Variants in ZBTB20 observed in about 807,000 individuals in gnomAD.
ZBTB20 encodes zinc finger and BTB domain-containing protein 20.
In ZBTB20, 9 loss-of-function variants were observed where a neutral mutation model predicts 56.9. The ratio of observed to expected loss-of-function variants is 0.16; its 90% CI spans 0.10 to 0.28. The LOEUF (loss-of-function observed/expected upper bound fraction) is 0.28. Ranked by LOEUF, ZBTB20 falls within the 10% of genes least tolerant of loss-of-function variation. The pLI, the probability that ZBTB20 is intolerant of heterozygous loss-of-function variation, is 1.00. For synonymous variants in ZBTB20, 417 were observed against 420.7 expected, an observed-to-expected ratio of 0.99 and a Z score of 0.11; for missense variants, 655 against 1,003.0, an observed-to-expected ratio of 0.65 and a Z score of 4.69.
chr3:114,968,941 A>G (rs2077760036), intron 3 of ZBTB20, among the ~76,000 whole-genome samples: 1 of 152,178 alleles, frequency 6.6e-6, no homozygotes, highest in South Asian at 2.1e-4. Flanking sequence ...GCCTCTCCAC[A>G]ATTTTTAATC....
intron 6 of ZBTB20, among the ~76,000 whole-genome samples, chr3:114,683,797 G>A (rs2062140582): frequency 6.6e-6 from 1 of 152,104 alleles, no homozygotes; most frequent in Admixed American, 6.6e-5. Flanking sequence ...TGAGGTGGGA[G>A]TCTGGGTTAG....
At chr3:115,043,683 T>C (rs1053955765) in intron 2 of ZBTB20, among the ~76,000 whole-genome samples, 2 of 151,896 alleles carry the variant, frequency 1.3e-5, no homozygotes, top group Non-Finnish European at 2.9e-5. Context: ...TCATCTAACA[T>C]ATAGGAGTAG....
At chr3:114,514,073 T>C (rs2045707617) in intron 6 of ZBTB20, among the ~76,000 whole-genome samples, 1 of 152,178 alleles carries the variant, frequency 6.6e-6, no homozygotes, top group Non-Finnish European at 1.5e-5. Flanking sequence ...ATTTAAAAAA[T>C]TCATGGTATG....
intron 1 of ZBTB20, among the ~76,000 whole-genome samples, chr3:115,146,126 C>T (rs1469652315): frequency 6.6e-6 from 1 of 152,192 alleles, no homozygotes; most frequent in East Asian, 1.9e-4. Context: ...AAACTACTTC[C>T]TGATTCATTC....
At chr3:114,550,160 A>G (rs540277956) in intron 6 of ZBTB20, among the ~76,000 whole-genome samples, 2 of 152,038 alleles carry the variant, frequency 1.3e-5, no homozygotes, top group Admixed American at 6.6e-5. Flanking sequence ...GGATGGTCTC[A>G]ATCTCCTGAT....
intron 6 of ZBTB20, among the ~76,000 whole-genome samples, chr3:114,650,581 C>T (rs2060078100): frequency 6.6e-6 from 1 of 151,898 alleles, no homozygotes; most frequent in Non-Finnish European, 1.5e-5. Context: ...CTTCTTCCTA[C>T]TATTATTATT....
At chr3:114,690,630 AC>A in intron 6 of ZBTB20, among the ~76,000 whole-genome samples, 1 of 152,272 alleles carries the variant, frequency 6.6e-6, no homozygotes, top group African/African-American at 2.4e-5. Context: ...CACAGAGAGC[AC>A]CCTTTGTTAT....
At chr3:114,995,516 A>C (rs1260122010) in intron 2 of ZBTB20, among the ~76,000 whole-genome samples, 1 of 151,886 alleles carries the variant, frequency 6.6e-6, no homozygotes, top group Non-Finnish European at 1.5e-5. Context: ...ATTTAAAGAC[A>C]AAAAATCATA....
chr3:114,491,944 T>C (rs1210187233), intron 7 of ZBTB20, among the ~76,000 whole-genome samples: 1 of 152,176 alleles, frequency 6.6e-6, no homozygotes, highest in Non-Finnish European at 1.5e-5. Context: ...AAAATTAATA[T>C]AAGCAATATA....
intron 6 of ZBTB20, among the ~76,000 whole-genome samples, chr3:114,672,997 T>C (rs997187295): frequency 1.3e-5 from 2 of 152,148 alleles, no homozygotes; most frequent in Admixed American, 1.3e-4. Flanking sequence ...TCCCAAGTGA[T>C]TTCCATACAC....
chr3:114,690,078 T>C (rs2062607890), intron 6 of ZBTB20, among the ~76,000 whole-genome samples: 1 of 152,222 alleles, frequency 6.6e-6, no homozygotes, highest in African/African-American at 2.4e-5. Flanking sequence ...ATATGCTCTC[T>C]GTTTGCTCAG....
chr3:114,406,899 A>T (rs1221279338), intron 7 of ZBTB20, among the ~76,000 whole-genome samples: 1 of 152,190 alleles, frequency 6.6e-6, no homozygotes, highest in Non-Finnish European at 1.5e-5. Context: ...TTTTCATAGA[A>T]AACTTTTACA....
intron 2 of ZBTB20, among the ~76,000 whole-genome samples, chr3:114,996,237 C>T (rs952453170): frequency 1.3e-5 from 2 of 151,374 alleles, no homozygotes; most frequent in East Asian, 1.9e-4. Context: ...CTTTAAGCTC[C>T]GGGGTACATG....
chr3:114,488,974 C>T (rs2042438910), intron 7 of ZBTB20, among the ~76,000 whole-genome samples: 1 of 152,028 alleles, frequency 6.6e-6, no homozygotes, highest in African/African-American at 2.4e-5. Flanking sequence ...AGTAACTTCT[C>T]CTTTCAGTCT....
chr3:114,890,219 CA>C (rs1270774659), intron 4 of ZBTB20, among the ~76,000 whole-genome samples: 2 of 152,254 alleles, frequency 1.3e-5, no homozygotes, highest in East Asian at 3.9e-4. Flanking sequence ...GTGTTGAAAG[CA>C]CCACAGTATT....
At chr3:114,973,769 A>G (rs909627723) in intron 3 of ZBTB20, among the ~76,000 whole-genome samples, 3 of 152,108 alleles carry the variant, frequency 2.0e-5, no homozygotes, top group Non-Finnish European at 4.4e-5. Context: ...AAGAAAAGTA[A>G]TTACAGCCCC....
Position 114,602,028 on chromosome 3 carries a change from G to A in ZBTB20, c.-295+91500C>T, listed in dbSNP as rs535331267. On this transcript the variant is annotated intron_variant, in intron 6 of 11. Coordinates refer to ENST00000675478, the MANE Select transcript of ZBTB20 (RefSeq NM_001348800.3). ...GGTCTTTAGGCTCCACAGGGGATAC[G>A]TTAGATCAGTGGTAGAGAAAAGGTC... 3.9e-5 allele frequency among the ~76,000 whole-genome samples: 6 copies of A among 152,102 alleles called. No homozygotes were observed. The East Asian group carries it at 5.8e-4, about 15-fold the overall frequency.
chr3:114,776,263 A>G (rs1407713258), intron 5 of ZBTB20, among the ~76,000 whole-genome samples: 3 of 139,158 alleles, frequency 2.2e-5, no homozygotes, highest in African/African-American at 7.9e-5. Flanking sequence ...ATTTAAATGA[A>G]AAAAAAAAAA....
At chr3:114,527,843 A>T (rs915960256) in intron 6 of ZBTB20, among the ~76,000 whole-genome samples, 1 of 152,108 alleles carries the variant, frequency 6.6e-6, no homozygotes, top group Non-Finnish European at 1.5e-5. Context: ...GAAATGAGTA[A>T]ATTTAGAACA....
Sources: allele counts gnomAD v4.1 joint callset (sites outside exome capture counted in the v4.1 genomes callset), GRCh38; gene constraint gnomAD v4.1.1; transcripts MANE v1.5; gene names NCBI Gene and HGNC (gene_info 2026-07-23, HGNC 2026-07-21).